The following ABCC4 variants were observed in gnomAD, a reference collection of about 807,000 sequenced individuals.
ABCC4 encodes the protein ATP-binding cassette sub-family C member 4.
ABCC4 carries 102 observed loss-of-function variants against 168.5 expected under a neutral mutation model. The observed-to-expected ratio is 0.61, with a 90% CI of 0.52 to 0.71. The LOEUF (loss-of-function observed/expected upper bound fraction) is 0.71. ABCC4 is among the 30% of genes least tolerant of loss of function. ABCC4 has a pLI of 0.00. For missense variants in ABCC4, 1,402 were observed against 1,605.8 expected, an observed-to-expected ratio of 0.87 and a Z score of 2.17; for synonymous variants, 617 against 590.7, an observed-to-expected ratio of 1.04 and a Z score of -0.65.
chr13:95,110,297 A>G (rs2035159553), intron 20 of ABCC4, among the ~76,000 whole-genome samples: 2 of 139,742 alleles, frequency 1.4e-5, no homozygotes, highest in Non-Finnish European at 3.1e-5. Flanking sequence ...TGATAGAGCA[A>G]GACTCTGTCT....
chr13:95,134,760 T>C lies in ABCC4; in HGVS notation c.2456-18759A>G, dbSNP rs1038564356. ...AATAAATAAATAAGGACAAGAGCCATAGAGAAGGAAATGATGCTCAGGGGA... is the reference window on the plus strand; with the variant it reads ...AATAAATAAATAAGGACAAGAGCCACAGAGAAGGAAATGATGCTCAGGGGA... On this transcript the variant is annotated intron_variant, in intron 19 of 30. Coordinates refer to ENST00000645237, the MANE Select transcript of ABCC4 (RefSeq NM_005845.5). Among the ~76,000 whole-genome samples the C allele has an allele frequency of 4.0e-5, 6 of 151,840 alleles. No individual in the cohort carries two copies. The East Asian group carries it at 1.2e-3, about 29-fold the overall frequency.
chr13:95,050,419 G>A (rs2032779646), intron 27 of ABCC4, among the ~76,000 whole-genome samples: 1 of 152,102 alleles, frequency 6.6e-6, no homozygotes, highest in Non-Finnish European at 1.5e-5. Context: ...AAGGAAATTT[G>A]GAAAATCCAG....
intron 30 of ABCC4, among the ~76,000 whole-genome samples, chr13:95,022,032 C>T (rs1017712555): frequency 3.3e-5 from 5 of 152,186 alleles, no homozygotes; most frequent in African/African-American, 2.4e-5. Flanking sequence ...GGAAATCTAG[C>T]GTCTGCATGA....
chr13:95,145,341 A>G (rs1240139320), intron 19 of ABCC4, among the ~76,000 whole-genome samples: 2 of 151,998 alleles, frequency 1.3e-5, no homozygotes, highest in Admixed American at 6.6e-5. Flanking sequence ...ACATGGCTGG[A>G]CACGGTGACT....
intron 11 of ABCC4, among the ~76,000 whole-genome samples, chr13:95,179,664 T>A (rs1049223564): frequency 2.0e-5 from 3 of 152,148 alleles, no homozygotes; most frequent in Admixed American, 2.0e-4. Flanking sequence ...ACAAAAGGTG[T>A]GGAGAACATC....
rs1016204734 is a variant in ABCC4 at position 95,156,715 on chromosome 13, G to A, written c.2455+4474C>T. On this transcript the variant is annotated intron_variant, in intron 19 of 30. Transcript: ENST00000645237. ...ATGTAAGGCTTCTTAACAGACACACGTGATCCCATCACCAACCTACATCAA... is the reference window on the plus strand; with the variant it reads ...ATGTAAGGCTTCTTAACAGACACACATGATCCCATCACCAACCTACATCAA... 3.9e-5 allele frequency among the ~76,000 whole-genome samples: 6 copies of A among 152,122 alleles called. No individual in the cohort carries two copies. The East Asian group carries it at 7.7e-4, about 20-fold the overall frequency.
At chr13:95,218,800 G>A (rs2138703383) in intron 4 of ABCC4, among the ~76,000 whole-genome samples, 1 of 151,118 alleles carries the variant, frequency 6.6e-6, no homozygotes, top group East Asian at 2.0e-4. Context: ...GCAGTAAGCA[G>A]TAATCATCCC....
intron 4 of ABCC4, among the ~76,000 whole-genome samples, chr13:95,219,197 C>G (rs924563243): frequency 6.6e-6 from 1 of 152,194 alleles, no homozygotes; most frequent in Non-Finnish European, 1.5e-5. Flanking sequence ...CACATCCCCC[C>G]ACCATGGCTG....
intron 14 of ABCC4, among the ~76,000 whole-genome samples, chr13:95,167,744 T>C (rs1174925379): frequency 2.0e-5 from 3 of 152,140 alleles, no homozygotes; most frequent in Non-Finnish European, 4.4e-5. Flanking sequence ...AGCCGAGTAC[T>C]GAGGAGCAAT....
At chr13:95,129,875 G>GACC (rs1352096081) in intron 19 of ABCC4, among the ~76,000 whole-genome samples, 1 of 152,074 alleles carries the variant, frequency 6.6e-6, no homozygotes, top group Non-Finnish European at 1.5e-5. Flanking sequence ...AGGAGTTGGA[G>GACC]ACCAGCCTGG....
chr13:95,255,418 C>CCTAAAGTTCAACGATCACCAGACA (rs1335536795), intron 1 of ABCC4, among the ~76,000 whole-genome samples: 1 of 152,120 alleles, frequency 6.6e-6, no homozygotes, highest in Non-Finnish European at 1.5e-5. Context: ...TTCTCCATGC[C>CCTAAAGTTCAACGATCACCAGACA]CTAAAGTTCA....
At chr13:95,150,172 C>T (rs982265253) in intron 19 of ABCC4, among the ~76,000 whole-genome samples, 10 of 152,226 alleles carry the variant, frequency 6.6e-5, no homozygotes, top group East Asian at 5.8e-4. Context: ...TGCTATTGTC[C>T]GAGCTGCTTT....
chr13:95,115,542 G>C (rs1250207456), intron 20 of ABCC4, among the ~76,000 whole-genome samples: 1 of 148,856 alleles, frequency 6.7e-6, no homozygotes, highest in Non-Finnish European at 1.5e-5. Context: ...GCCCTTTGTG[G>C]TAATACAATG....
intron 7 of ABCC4, among the ~76,000 whole-genome samples, chr13:95,207,483 T>C (rs531668300): frequency 2.3e-4 from 35 of 152,370 alleles, no homozygotes; most frequent in African/African-American, 8.4e-4. Flanking sequence ...TATAGTTTTA[T>C]TTTAAACACC....
intron 1 of ABCC4, among the ~76,000 whole-genome samples, chr13:95,270,340 GAAAAAAAAAAAAAAAAA>G (rs2040815913): frequency 1.5e-5 from 2 of 130,588 alleles, no homozygotes; most frequent in Admixed American, 1.6e-4. Context: ...ACCAGGCTGT[GAAAAAAAAAAAAAAAAA>G]GAAAGAAAAG....
At chr13:95,278,603 T>C (rs1244229083) in intron 1 of ABCC4, among the ~76,000 whole-genome samples, 1 of 151,982 alleles carries the variant, frequency 6.6e-6, no homozygotes, top group Non-Finnish European at 1.5e-5. Context: ...GAAAGCAGCC[T>C]GTGCAACATG....
intron 3 of ABCC4, among the ~76,000 whole-genome samples, chr13:95,238,005 G>T (rs1403015678): frequency 6.6e-6 from 1 of 151,910 alleles, no homozygotes; most frequent in African/African-American, 2.4e-5. Context: ...GACCAGCCTG[G>T]CCAACATGGT....
rs554884258 is a variant in ABCC4, at chr13:95,159,093, TTATATATATATATATATATATATATA to T, written c.2455+2070_2455+2095del. 1.3e-3 allele frequency among the ~76,000 whole-genome samples: 81 copies of T among 61,030 alleles called. 1 individual carries two copies. The highest frequency in any genetic ancestry group is 0.011 in the Admixed American group (43 of 4,042). 40.0% of individuals were successfully genotyped at this position (61,030 alleles called of 152,430 possible). ...ATGAGACCTTATTTCTAAATAAATTTTATATATATATATATATATATATATATATATATATATATAACTATTGAAGT... is the reference window on the plus strand; with the variant it reads ...ATGAGACCTTATTTCTAAATAAATTTTATATATATATATAACTATTGAAGT... On this transcript the variant is annotated intron_variant, in intron 19 of 30. Coordinates refer to ENST00000645237, the MANE Select transcript of ABCC4 (RefSeq NM_005845.5).
chr13:95,158,956 G>A (rs1594203149), intron 19 of ABCC4, among the ~76,000 whole-genome samples: 1 of 151,124 alleles, frequency 6.6e-6, no homozygotes, highest in Admixed American at 6.6e-5. Context: ...GGTGACACAG[G>A]CCTGTGGTCC....
Sources: gnomAD v4.1 joint callset for allele counts (sites outside exome capture counted in the v4.1 genomes callset) on GRCh38, gnomAD v4.1.1 for gene constraint, MANE v1.5 for transcripts, NCBI Gene and HGNC (gene_info 2026-07-23, HGNC 2026-07-21) for gene names.